The following CIB4 variants were observed in gnomAD, a reference collection of about 807,000 sequenced individuals.
CIB4 encodes the protein calcium and integrin binding family member 4.
In CIB4, 25 loss-of-function variants were observed where a neutral mutation model predicts 25.8. The ratio of observed to expected loss-of-function variants is 0.97; its 90% CI spans 0.71 to 1.35. The LOEUF is 1.35. Among genes scored for constraint, CIB4 ranks in the 40% most tolerant of loss-of-function variants. CIB4 has a pLI of 0.00. For synonymous variants in CIB4, 75 were observed against 81.4 expected, an observed-to-expected ratio of 0.92 and a Z score of 0.42; for missense variants, 235 against 228.2, an observed-to-expected ratio of 1.03 and a Z score of -0.19.
At chr2:26,602,270 T>C (rs987878315) in intron 3 of CIB4, among the ~76,000 whole-genome samples, 2 of 152,174 alleles carry the variant, frequency 1.3e-5, no homozygotes, top group African/African-American at 4.8e-5. Flanking sequence ...AAAGGTGGTG[T>C]TTGACCAGGT....
chr2:26,599,890 T>A (rs1338317263), intron 3 of CIB4, among the ~76,000 whole-genome samples: 1 of 147,162 alleles, frequency 6.8e-6, no homozygotes, highest in Non-Finnish European at 1.5e-5. Context: ...CTGGCCAACA[T>A]GGTGAAATCC....
At chr2:26,587,830 A>C (rs1477779114) in intron 4 of CIB4, among the ~76,000 whole-genome samples, 1 of 152,198 alleles carries the variant, frequency 6.6e-6, no homozygotes, top group African/African-American at 2.4e-5. Flanking sequence ...GAAGGAAAGG[A>C]ACTAGAGCTA....
chr2:26,636,416 T>C (rs1669533642), intron 2 of CIB4, among the ~76,000 whole-genome samples: 1 of 152,164 alleles, frequency 6.6e-6, no homozygotes, highest in Non-Finnish European at 1.5e-5. Context: ...AATAAGTACC[T>C]CTCAATATGG....
intron 3 of CIB4, among the ~76,000 whole-genome samples, chr2:26,615,355 G>A (rs1257863186): frequency 1.3e-5 from 2 of 152,166 alleles, no homozygotes; most frequent in African/African-American, 4.8e-5. Flanking sequence ...CCTGCAAGAG[G>A]TACCACATAG....
intron 3 of CIB4, among the ~76,000 whole-genome samples, chr2:26,597,938 C>A (rs748641755): frequency 2.0e-4 from 30 of 151,372 alleles, no homozygotes; most frequent in Non-Finnish European, 3.4e-4. Flanking sequence ...AAAGCAAAGG[C>A]CAAGCAGTGG....
At chr2:26,586,000 C>T (rs188924056) in intron 4 of CIB4, among the ~76,000 whole-genome samples, 230 of 152,252 alleles carry the variant, frequency 1.5e-3, no homozygotes, top group African/African-American at 4.8e-3. Flanking sequence ...ACCCCACAGG[C>T]GATGGGTTGG....
chr2:26,601,231 A>AAAAAAT (rs1395827334), intron 3 of CIB4, among the ~76,000 whole-genome samples: 9 of 17,232 alleles, frequency 5.2e-4, no homozygotes, highest in African/African-American at 1.3e-3. Flanking sequence ...AAAAAAAAAA[A>AAAAAAT]ATATATATAT....
chr2:26,585,329 A>G (rs1356585262), intron 4 of CIB4, among the ~76,000 whole-genome samples: 1 of 151,698 alleles, frequency 6.6e-6, no homozygotes. Context: ...GGCAGGAGTG[A>G]CTGGCATGGT....
At chr2:26,608,833 G>A (rs538534327) in intron 3 of CIB4, among the ~76,000 whole-genome samples, 1 of 152,262 alleles carries the variant, frequency 6.6e-6, no homozygotes, top group East Asian at 1.9e-4. Flanking sequence ...CTGCAGAGGT[G>A]GCATAGCACA....
chr2:26,622,068 C>T (rs1342369029), intron 3 of CIB4, among the ~76,000 whole-genome samples: 1 of 152,140 alleles, frequency 6.6e-6, no homozygotes, highest in Non-Finnish European at 1.5e-5. Flanking sequence ...CATAATAATA[C>T]AAAACATTGA....
chr2:26,583,669 C>A (rs187893859), intron 5 of CIB4, 120 bp downstream of exon 5: 382 of 699,570 alleles, frequency 5.5e-4, no homozygotes, highest in Non-Finnish European at 7.3e-4. Context: ...AATGTGTCAT[C>A]TGCCTCAGGC....
At position 26,641,294 on chromosome 2, in the gene CIB4, A is replaced by T. The variant is rs143344446; in HGVS notation, c.21T>A (p.Tyr7Ter). Residue 7 changes from tyrosine (Y) to a stop codon, truncating the protein, a stop_gained, in exon 1 of 7, where the codon TAT becomes TAA. Coordinates refer to ENST00000288861, the MANE Select transcript of CIB4 (RefSeq NM_001029881.3). LOFTEE classifies it high-confidence loss of function. MGQCLR[Y>*]QMHWEDLEEY... ...CTTCCAGGTCCTCCCAGTGCATCTG[A>T]TACCTCAAGCATTGCCCCATGCCAA... 58 of 1,613,666 alleles carry T rather than the reference A, an allele frequency of 3.6e-5. No individual in the cohort carries two copies. The highest frequency in any genetic ancestry group is 4.7e-5 in the Non-Finnish European group (56 of 1,179,888).
intron 3 of CIB4, among the ~76,000 whole-genome samples, chr2:26,609,276 A>C (rs895246586): frequency 6.6e-6 from 1 of 152,166 alleles, no homozygotes; most frequent in African/African-American, 2.4e-5. Context: ...CCTTACAGGC[A>C]CTCCAGGATA....
At chr2:26,622,037 G>C (rs777923824) in intron 3 of CIB4, among the ~76,000 whole-genome samples, 4 of 152,212 alleles carry the variant, frequency 2.6e-5, no homozygotes, top group Non-Finnish European at 5.9e-5. Flanking sequence ...TCATGACTCA[G>C]CTCTGAACAG....
intron 4 of CIB4, 40 bp from the exon 5 acceptor site, chr2:26,583,938 G>T: frequency 1.5e-6 from 2 of 1,316,452 alleles, no homozygotes; most frequent in African/African-American, 1.4e-5. Flanking sequence ...ACGGAGCTGG[G>T]GGCTAAACAG....
At chr2:26,606,500 C>T (rs1022987111) in intron 3 of CIB4, among the ~76,000 whole-genome samples, 5 of 152,116 alleles carry the variant, frequency 3.3e-5, no homozygotes, top group African/African-American at 9.7e-5. Flanking sequence ...CCCCTCCTCC[C>T]GCGCCCCTCA....
intron 3 of CIB4, among the ~76,000 whole-genome samples, chr2:26,617,588 T>C (rs979350149): frequency 6.6e-6 from 1 of 151,598 alleles, no homozygotes; most frequent in South Asian, 2.1e-4. Flanking sequence ...GGTTGGAGAG[T>C]GGAATTGCTG....
At chr2:26,622,437 T>G (rs1480437399) in intron 3 of CIB4, among the ~76,000 whole-genome samples, 1 of 151,982 alleles carries the variant, frequency 6.6e-6, no homozygotes, top group Non-Finnish European at 1.5e-5. Context: ...GTAACTATAT[T>G]GGGAGGGCAG....
chr2:26,632,554 C>T (rs1253467747), intron 2 of CIB4, among the ~76,000 whole-genome samples: 1 of 151,930 alleles, frequency 6.6e-6, no homozygotes, highest in Non-Finnish European at 1.5e-5. Context: ...GTCAGGAGTT[C>T]GAGAGCAGCC....
Sources: allele counts gnomAD v4.1 joint callset (sites outside exome capture counted in the v4.1 genomes callset), GRCh38; gene constraint gnomAD v4.1.1; transcripts MANE v1.5; gene names NCBI Gene and HGNC (gene_info 2026-07-23, HGNC 2026-07-21).